Variants in TRHDE observed in about 807,000 individuals in gnomAD.
TRHDE encodes the protein thyrotropin-releasing hormone-degrading ectoenzyme.
TRHDE carries 72 observed loss-of-function variants against 125.7 expected under a neutral mutation model. The ratio of observed to expected loss-of-function variants is 0.57; its 90% confidence interval spans 0.47 to 0.70. The LOEUF is 0.70. Among genes scored for constraint, TRHDE ranks in the 30% least tolerant of loss-of-function variants. The probability of loss-of-function intolerance (pLI) is 0.00; values close to 1 mark genes in which losing one functional copy is unlikely to be tolerated. For synonymous variants in TRHDE, 509 were observed against 509.1 expected (o/e 1.00, Z 0.00); for missense variants, 1,110 against 1,327.1 (o/e 0.84, Z 2.54).
At chr12:72,417,240 A>T (rs1282480534) in intron 3 of TRHDE, among the ~76,000 whole-genome samples, 1 of 152,028 alleles carries the variant, frequency 6.6e-6, no homozygotes, top group East Asian at 1.9e-4. Flanking sequence ...TAACCTTTAA[A>T]TGACAAGTGT....
chr12:72,152,033 G>A (rs1876379713), intron 2 of TRHDE, among the ~76,000 whole-genome samples: 2 of 151,938 alleles, frequency 1.3e-5, no homozygotes, highest in African/African-American at 2.4e-5. Flanking sequence ...CATGAGCATG[G>A]AATGTTCTTC....
intron 6 of TRHDE, among the ~76,000 whole-genome samples, chr12:72,528,050 A>G (rs1303338393): frequency 1.3e-5 from 2 of 152,170 alleles, no homozygotes; most frequent in African/African-American, 4.8e-5. Flanking sequence ...AACCACATTT[A>G]CTTAAGTTGC....
At chr12:72,390,409 A>G (rs1872575074) in intron 3 of TRHDE, among the ~76,000 whole-genome samples, 1 of 152,146 alleles carries the variant, frequency 6.6e-6, no homozygotes, top group Admixed American at 6.5e-5. Context: ...ATTACTGCTG[A>G]CAGCAGCACT....
chr12:72,564,692 G>A (rs1870353397), intron 9 of TRHDE, among the ~76,000 whole-genome samples: 1 of 61,966 alleles, frequency 1.6e-5, no homozygotes, highest in African/African-American at 4.3e-5. Context: ...TTTTGAGACG[G>A]AGTCTTGCTC....
chr12:72,089,115 C>T (rs1005194965), intron 1 of TRHDE, among the ~76,000 whole-genome samples: 1 of 152,116 alleles, frequency 6.6e-6, no homozygotes, highest in South Asian at 2.1e-4. Flanking sequence ...CACTTGAAGT[C>T]ATCTGTACTG....
intron 2 of TRHDE, among the ~76,000 whole-genome samples, chr12:72,362,871 T>C (rs1482570588): frequency 1.3e-5 from 2 of 152,090 alleles, no homozygotes; most frequent in Non-Finnish European, 2.9e-5. Context: ...GATCGGATAG[T>C]TGTAGATACG....
chr12:72,290,764 G>C (rs562144643), intron 2 of TRHDE, among the ~76,000 whole-genome samples: 1 of 152,324 alleles, frequency 6.6e-6, no homozygotes, highest in South Asian at 2.1e-4. Context: ...AAGCATGATG[G>C]CCTTAGGATG....
intron 2 of TRHDE, among the ~76,000 whole-genome samples, chr12:72,115,103 CTT>C (rs561016676): frequency 1.3e-5 from 2 of 151,990 alleles, no homozygotes; most frequent in Non-Finnish European, 2.9e-5. Flanking sequence ...CAGTTATACT[CTT>C]TAAGTTATTT....
intron 3 of TRHDE, among the ~76,000 whole-genome samples, chr12:72,403,986 A>G (rs183382689): frequency 3.5e-4 from 54 of 152,332 alleles, no homozygotes; most frequent in Admixed American, 7.8e-4. Context: ...TCGTTTTTAC[A>G]AGTAAACAGA....
At chr12:72,472,203 C>T (rs557130065) in intron 4 of TRHDE, among the ~76,000 whole-genome samples, 1 of 152,158 alleles carries the variant, frequency 6.6e-6, no homozygotes, top group Non-Finnish European at 1.5e-5. Context: ...CCTCATCCCC[C>T]CTACCTCTAC....
chr12:72,583,366 G>A (rs2136039016), intron 12 of TRHDE, among the ~76,000 whole-genome samples: 1 of 152,200 alleles, frequency 6.6e-6, no homozygotes, highest in African/African-American at 2.4e-5. Context: ...AATCGTTCCA[G>A]GAGCTTCATG....
chr12:72,540,865 A>G (rs541194763), intron 6 of TRHDE, among the ~76,000 whole-genome samples: 2 of 151,840 alleles, frequency 1.3e-5, no homozygotes, highest in East Asian at 1.9e-4. Context: ...GCATAAAACT[A>G]TTATATTTCA....
intron 2 of TRHDE, among the ~76,000 whole-genome samples, chr12:72,111,546 A>G (rs1298749706): frequency 6.6e-6 from 1 of 152,196 alleles, no homozygotes; most frequent in Non-Finnish European, 1.5e-5. Flanking sequence ...CTAAGGTCTG[A>G]GGGAGAGAAA....
chr12:72,231,792 G>C (rs1223900534), intron 2 of TRHDE, among the ~76,000 whole-genome samples: 3 of 152,160 alleles, frequency 2.0e-5, no homozygotes, highest in African/African-American at 7.2e-5. Flanking sequence ...GGGACAACTG[G>C]AGTTAGGCTA....
Position 72,089,384 on chromosome 12 carries a change from T to C in TRHDE, n.174+1945T>C, listed in dbSNP as rs558832723. On this transcript the variant is annotated intron_variant and non_coding_transcript_variant, in intron 1 of 4. Transcript: ENST00000548156. ...CATTTCTCTCAGAAAAGTAAAGTCCTTTACAAAGGCCTACAAGGTTGTACA... is the reference window on the plus strand; with the variant it reads ...CATTTCTCTCAGAAAAGTAAAGTCCCTTACAAAGGCCTACAAGGTTGTACA... Among the ~76,000 whole-genome samples the C allele has an allele frequency of 6.4e-4, 97 of 152,298 alleles. 1 individual carries two copies. The highest frequency in any genetic ancestry group is 2.3e-3 in the African/African-American group (94 of 41,574).
intron 1 of TRHDE, among the ~76,000 whole-genome samples, chr12:72,279,906 T>C (rs1173487660): frequency 6.6e-6 from 1 of 152,162 alleles, no homozygotes; most frequent in Non-Finnish European, 1.5e-5. Context: ...TCCTCATGAC[T>C]ACACAACTAA....
chr12:72,366,835 T>C (rs539293835), intron 2 of TRHDE, among the ~76,000 whole-genome samples: 1 of 152,060 alleles, frequency 6.6e-6, no homozygotes, highest in East Asian at 2.0e-4. Flanking sequence ...TCAATGATAA[T>C]ACTTGGATTT....
At chr12:72,092,781 G>A (rs1380303982) in intron 1 of TRHDE, among the ~76,000 whole-genome samples, 1 of 152,168 alleles carries the variant, frequency 6.6e-6, no homozygotes, top group Non-Finnish European at 1.5e-5. Flanking sequence ...CAAAACAGGT[G>A]ACTATTGCTG....
rs551832181 is a variant in TRHDE, at chr12:72,458,977, TAACAC to T, written c.1316-10773_1316-10769del. 7.2e-5 allele frequency among the ~76,000 whole-genome samples: 11 copies of T among 152,310 alleles called. No individual in the cohort carries two copies. The East Asian group carries it at 1.4e-3, about 19-fold the overall frequency. The stretch of plus-strand genomic sequence containing the variant: ...ATAAATTAGCACTTAATTAGTGGCT[TAACAC>T]AACACAAATTTATTATCTTACAATT... On this transcript the variant is annotated intron_variant, in intron 3 of 18. Coordinates refer to ENST00000261180, the MANE Select transcript of TRHDE (RefSeq NM_013381.3).
Sources: gnomAD v4.1 joint callset for allele counts (sites outside exome capture counted in the v4.1 genomes callset) on GRCh38, gnomAD v4.1.1 for gene constraint, MANE v1.5 for transcripts, NCBI Gene and HGNC (gene_info 2026-07-23, HGNC 2026-07-21) for gene names.